PTPRG: variants seen among roughly 807,000 people sequenced by gnomAD.
The protein encoded by PTPRG is protein tyrosine phosphatase receptor type G.
In PTPRG, 102 loss-of-function variants were observed where a neutral mutation model predicts 165.3. That is an observed-to-expected ratio of 0.62 (90% CI 0.53 to 0.73). The LOEUF is 0.73. PTPRG is among the 30% of genes least tolerant of loss of function. The probability of loss-of-function intolerance (pLI) is 0.00; values close to 1 mark genes in which losing one functional copy is unlikely to be tolerated. For missense variants in PTPRG, 1,866 were observed against 1,861.4 expected, an observed-to-expected ratio of 1.00 and a Z score of -0.05; for synonymous variants, 675 against 669.5, an observed-to-expected ratio of 1.01 and a Z score of -0.13.
chr3:61,721,028 A>C (rs528906521), intron 1 of PTPRG, among the ~76,000 whole-genome samples: 1 of 152,114 alleles, frequency 6.6e-6, no homozygotes. Flanking sequence ...CTCTCTGGTG[A>C]TTGTCTTACA....
intron 2 of PTPRG, among the ~76,000 whole-genome samples, chr3:61,982,817 A>G (rs2040671945): frequency 6.6e-6 from 1 of 152,200 alleles, no homozygotes; most frequent in Non-Finnish European, 1.5e-5. Context: ...CAGTCCTAAA[A>G]TAGACACCCT....
intron 2 of PTPRG, among the ~76,000 whole-genome samples, chr3:61,767,481 G>A (rs1404144697): frequency 1.3e-5 from 2 of 152,078 alleles, no homozygotes; most frequent in African/African-American, 4.8e-5. Context: ...GCTGCCCTTG[G>A]CAGAATATGT....
rs562362754 is a variant in PTPRG at position 61,973,373 on chromosome 3, G to A, written c.191-16252G>A. Among the ~76,000 whole-genome samples, 4 of 152,292 alleles carry A rather than the reference G, an allele frequency of 2.6e-5. No homozygotes were observed. In the South Asian group the frequency reaches 8.3e-4, roughly 32 times the overall value. On this transcript the variant is annotated intron_variant, in intron 2 of 29. Coordinates refer to ENST00000474889, the MANE Select transcript of PTPRG (RefSeq NM_002841.4). ...CTAAGTTCATCAATATGGTAGATGG[G>A]AATTGACATATGCTTGCATCATTCA...
intron 8 of PTPRG, among the ~76,000 whole-genome samples, chr3:62,179,827 C>A (rs1705578732): frequency 6.6e-6 from 1 of 152,196 alleles, no homozygotes; most frequent in African/African-American, 2.4e-5. Flanking sequence ...GCCATCCTTA[C>A]CAAATGATCA....
At chr3:61,580,914 G>T (rs1237152819) in intron 1 of PTPRG, among the ~76,000 whole-genome samples, 2 of 152,192 alleles carry the variant, frequency 1.3e-5, no homozygotes, top group Non-Finnish European at 2.9e-5. Flanking sequence ...GGTTTCTGGA[G>T]GTTTTGGAGT....
intron 7 of PTPRG, among the ~76,000 whole-genome samples, chr3:62,161,437 A>G (rs1345486398): frequency 6.6e-6 from 1 of 152,238 alleles, no homozygotes; most frequent in Non-Finnish European, 1.5e-5. Context: ...AGGGCTAGCC[A>G]TATTTCTAAT....
At chr3:61,617,346 T>A (rs2106888038) in intron 1 of PTPRG, among the ~76,000 whole-genome samples, 1 of 152,322 alleles carries the variant, frequency 6.6e-6, no homozygotes, top group Non-Finnish European at 1.5e-5. Flanking sequence ...ATTTAATGGC[T>A]CTTCTACTGC....
At position 61,894,301 on chromosome 3, in the gene PTPRG, C is replaced by CAAAAAAAAAAAAAAAAAAAAAAAAAAAAA. The variant is rs767479285; in HGVS notation, c.191-95319_191-95291dup. On this transcript the variant is annotated intron_variant, in intron 2 of 29. Transcript: ENST00000474889. ...CGGGCAACAGAGCAAGACTCTGTGT[C>CAAAAAAAAAAAAAAAAAAAAAAAAAAAAA]AAAAAAAAAAAAAAAAAAAAAAAAA... Among the ~76,000 whole-genome samples, 6 of 49,850 alleles carry CAAAAAAAAAAAAAAAAAAAAAAAAAAAAA rather than the reference C, an allele frequency of 1.2e-4. 1 individual carries two copies. The highest frequency in any genetic ancestry group is 4.0e-4 in the African/African-American group (6 of 15,100). The allele number at this position is 49,850 out of a possible 152,430, so 32.7% of individuals were successfully genotyped here.
intron 4 of PTPRG, among the ~76,000 whole-genome samples, chr3:62,031,011 G>T (rs17065715): frequency 0.098 from 14,945 of 152,136 alleles, 1,283 homozygotes; most frequent in African/African-American, 0.23. Context: ...CTGGCTAAAC[G>T]GGCAACTCTA....
chr3:62,107,972 CA>C (rs892544601), intron 5 of PTPRG, among the ~76,000 whole-genome samples: 3 of 152,124 alleles, frequency 2.0e-5, no homozygotes, highest in African/African-American at 7.2e-5. Flanking sequence ...TATTACCTCT[CA>C]GTTACAAGTT....
intron 1 of PTPRG, among the ~76,000 whole-genome samples, chr3:61,562,956 C>T (rs1470351973): frequency 6.6e-6 from 1 of 151,636 alleles, no homozygotes; most frequent in Non-Finnish European, 1.5e-5. Context: ...CTCCCTCTCT[C>T]TGGGGGCTGG....
chr3:61,726,964 G>A (rs1047676681), intron 1 of PTPRG, among the ~76,000 whole-genome samples: 4 of 151,634 alleles, frequency 2.6e-5, no homozygotes, highest in African/African-American at 7.3e-5. Flanking sequence ...GGAGAATGGC[G>A]TGAACCCGGG....
At chr3:61,572,475 G>T (rs1228044126) in intron 1 of PTPRG, among the ~76,000 whole-genome samples, 2 of 152,088 alleles carry the variant, frequency 1.3e-5, no homozygotes, top group Non-Finnish European at 2.9e-5. Context: ...GCATTTATTT[G>T]GGTTATCTGG....
intron 1 of PTPRG, among the ~76,000 whole-genome samples, chr3:61,667,381 A>T (rs546816607): frequency 1.4e-4 from 21 of 152,344 alleles, no homozygotes; most frequent in African/African-American, 5.1e-4. Flanking sequence ...CACCTTTGAC[A>T]TAGCTATAAC....
At chr3:62,288,819 A>C (rs1702769006) in intron 28 of PTPRG, among the ~76,000 whole-genome samples, 1 of 152,196 alleles carries the variant, frequency 6.6e-6, no homozygotes, top group African/African-American at 2.4e-5. Flanking sequence ...ACGAAACAGA[A>C]ATGAAATGAG....
At chr3:62,226,863 C>T (rs563110774) in intron 13 of PTPRG, among the ~76,000 whole-genome samples, 1 of 152,334 alleles carries the variant, frequency 6.6e-6, no homozygotes, top group Non-Finnish European at 1.5e-5. Flanking sequence ...CTCTTTTACT[C>T]TAAGTCCCAT....
At chr3:61,634,069 C>G (rs1559533110) in intron 1 of PTPRG, among the ~76,000 whole-genome samples, 1 of 151,848 alleles carries the variant, frequency 6.6e-6, no homozygotes, top group Admixed American at 6.6e-5. Flanking sequence ...AGTGTGCCAC[C>G]ATGTCTGGCT....
chr3:61,841,134 A>G (rs1441922010), intron 2 of PTPRG, among the ~76,000 whole-genome samples: 1 of 151,990 alleles, frequency 6.6e-6, no homozygotes, highest in Non-Finnish European at 1.5e-5. Flanking sequence ...TATCTTACCA[A>G]CTTTAACAAT....
At chr3:61,770,095 A>T (rs1361936184) in intron 2 of PTPRG, 2 of 152,180 alleles carry the variant, frequency 1.3e-5, no homozygotes, top group African/African-American at 4.8e-5. Context: ...AGTGTTCCTT[A>T]CCAATTGTTA....
Sources: gnomAD v4.1 joint callset for allele counts (sites outside exome capture counted in the v4.1 genomes callset) on GRCh38, gnomAD v4.1.1 for gene constraint, MANE v1.5 for transcripts, NCBI Gene and HGNC (gene_info 2026-07-23, HGNC 2026-07-21) for gene names.